The following SPATA13 variants were observed in gnomAD, a reference collection of about 807,000 sequenced individuals.
The protein encoded by SPATA13 is spermatogenesis associated 13.
Under a neutral mutation model 104.0 loss-of-function variants are expected in SPATA13, and 50 were observed. The observed-to-expected ratio is 0.48, with a 90% CI of 0.38 to 0.61. SPATA13 has a LOEUF of 0.61. SPATA13 is among the 20% of genes least tolerant of loss of function. The pLI is 0.00. For missense variants in SPATA13, 1,524 were observed against 1,690.6 expected (o/e 0.90, Z 1.73); for synonymous variants, 606 against 667.5 (o/e 0.91, Z 1.42).
chr13:24,070,752 G>A (rs769559839), intron 3 of SPATA13, among the ~76,000 whole-genome samples: 2 of 152,156 alleles, frequency 1.3e-5, no homozygotes, highest in Non-Finnish European at 2.9e-5. Context: ...ACGGAAGGCT[G>A]ACCCTCCCCC....
intron 3 of SPATA13, among the ~76,000 whole-genome samples, chr13:24,251,320 T>G (rs181367296): frequency 6.6e-6 from 1 of 152,352 alleles, no homozygotes; most frequent in East Asian, 1.9e-4. Flanking sequence ...TGGCCGGGTT[T>G]GTGGCCTTGT....
At position 24,173,179 on chromosome 13, in the gene SPATA13, G is replaced by A. The variant is rs186998531; in HGVS notation, c.-112+12247G>A. Among the ~76,000 whole-genome samples the A allele has an allele frequency of 3.0e-3, 450 of 152,298 alleles. 3 individuals are homozygous for A. The highest frequency in any genetic ancestry group is 9.8e-3 in the African/African-American group (409 of 41,572). ...TGCACCCTCCGCCTCCCGGGTTCAA[G>A]CGATTCTCCTGCCTCAGCCTCCTGA... is the stretch of plus-strand genomic sequence containing the variant. On this transcript the variant is annotated intron_variant, in intron 1 of 12. Transcript: ENST00000382108.
rs577553319 is a variant in SPATA13 at position 24,048,900 on chromosome 13, G to A, written c.-112+31199G>A. Among the ~76,000 whole-genome samples the A allele has an allele frequency of 8.6e-5, 13 of 151,672 alleles. No homozygotes were observed. The South Asian group carries it at 2.7e-3, about 32-fold the overall frequency. On this transcript the variant is annotated intron_variant, in intron 3 of 14. Coordinates refer to the SPATA13 transcript ENST00000424834. ...TTCAGATAACTTCTTTATTATAGAA[G>A]AAAATTAAAACTACAAGTTAGAATT... is the stretch of plus-strand genomic sequence containing the variant.
At chr13:24,006,925 G>A (rs1876260344) in intron 2 of SPATA13, among the ~76,000 whole-genome samples, 1 of 152,214 alleles carries the variant, frequency 6.6e-6, no homozygotes, top group Non-Finnish European at 1.5e-5. Context: ...GGATGCTGTG[G>A]CATTGCCTGG....
chr13:24,249,746 C>T lies in SPATA13; in HGVS notation c.1923C>T (p.Pro641=), dbSNP rs1186143859. ...ACCAGAATGCTCCAGTGGGCTGCCC[C>T]AAAGGAGCCCGGAGAAGGCGCCCCA... is the stretch of plus-strand genomic sequence containing the variant. ...PEDQNAPVGC[P]KGARRRRPIS... Residue 641 remains proline, a synonymous_variant, in exon 3 of 13, where the codon CCC becomes CCT. Coordinates refer to ENST00000382108, the MANE Select transcript of SPATA13 (RefSeq NM_001166271.3). 1 of 1,614,164 alleles carries T rather than the reference C, an allele frequency of 6.2e-7. No individual in the cohort carries two copies. Among genetic ancestry groups the T allele is most frequent in the Admixed American group, 1.7e-5 (1 of 60,028 alleles).
At position 23,987,302 on chromosome 13, in the gene SPATA13, C is replaced by T. The variant is rs117876184; in HGVS notation, c.-147+3369C>T. ...CTAGCTATTAGAATATGTCTATGAC[C>T]GGGAAATGAGGAGCCACACTGCTTG... On this transcript the variant is annotated intron_variant, in intron 2 of 14. Coordinates refer to the SPATA13 transcript ENST00000424834. Among the ~76,000 whole-genome samples the T allele has an allele frequency of 9.5e-3, 1,451 of 151,976 alleles. 14 individuals are homozygous for T. The highest frequency in any genetic ancestry group is 0.017 in the Middle Eastern group (5 of 294).
At chr13:24,295,668 TCA>T (rs1207477414) in intron 10 of SPATA13, among the ~76,000 whole-genome samples, 2 of 18,752 alleles carry the variant, frequency 1.1e-4, no homozygotes, top group African/African-American at 2.2e-4. Flanking sequence ...CAACAAATTC[TCA>T]CTCTCTCTCT....
At chr13:24,148,885 G>A (rs536656044) in intron 3 of SPATA13, among the ~76,000 whole-genome samples, 9 of 152,012 alleles carry the variant, frequency 5.9e-5, no homozygotes, top group Non-Finnish European at 1.0e-4. Context: ...CTGGTAGAGC[G>A]GCTTGTTTAT....
At chr13:24,080,302 A>T (rs951005673) in intron 3 of SPATA13, among the ~76,000 whole-genome samples, 1 of 152,232 alleles carries the variant, frequency 6.6e-6, no homozygotes, top group Non-Finnish European at 1.5e-5. Context: ...TCAGGACATC[A>T]CAGCAAGTGG....
intron 3 of SPATA13, among the ~76,000 whole-genome samples, chr13:24,154,585 T>G (rs1882204640): frequency 6.6e-6 from 1 of 152,218 alleles, no homozygotes; most frequent in Non-Finnish European, 1.5e-5. Flanking sequence ...AGTATTTTCA[T>G]GTTGTATTAG....
chr13:24,189,304 T>A (rs1445360329), intron 1 of SPATA13, among the ~76,000 whole-genome samples: 1 of 151,624 alleles, frequency 6.6e-6, no homozygotes, highest in Non-Finnish European at 1.5e-5. Flanking sequence ...ACCCCGTCTC[T>A]ACTAGAAATA....
At chr13:24,056,515 T>C (rs1878550041) in intron 3 of SPATA13, among the ~76,000 whole-genome samples, 1 of 152,222 alleles carries the variant, frequency 6.6e-6, no homozygotes, top group African/African-American at 2.4e-5. Flanking sequence ...AGTGTCACTG[T>C]TAATTATATG....
At chr13:24,055,978 A>T (rs980241788) in intron 3 of SPATA13, among the ~76,000 whole-genome samples, 4 of 152,224 alleles carry the variant, frequency 2.6e-5, no homozygotes, top group Admixed American at 1.3e-4. Context: ...ACATGAGGAT[A>T]TTCCATATTA....
intron 1 of SPATA13, among the ~76,000 whole-genome samples, chr13:24,206,965 A>G (rs1462837636): frequency 6.6e-6 from 1 of 152,182 alleles, no homozygotes; most frequent in Non-Finnish European, 1.5e-5. Flanking sequence ...ATATGGAACC[A>G]ACCTAAATGC....
At chr13:24,192,419 C>G (rs1338411010) in intron 1 of SPATA13, among the ~76,000 whole-genome samples, 1 of 152,070 alleles carries the variant, frequency 6.6e-6, no homozygotes, top group Non-Finnish European at 1.5e-5. Flanking sequence ...TCTAGTTCTC[C>G]TCCTGCCCCT....
At chr13:24,007,576 C>T (rs1353879946) in intron 2 of SPATA13, among the ~76,000 whole-genome samples, 1 of 152,178 alleles carries the variant, frequency 6.6e-6, no homozygotes, top group Non-Finnish European at 1.5e-5. Context: ...CATGCCTCAG[C>T]CTCCTGAATA....
At chr13:24,166,414 AT>A (rs758067486) in intron 1 of SPATA13, among the ~76,000 whole-genome samples, 1 of 152,126 alleles carries the variant, frequency 6.6e-6, no homozygotes, top group Non-Finnish European at 1.5e-5. Flanking sequence ...GGAGTGAGCA[AT>A]TAGGGAAGGA....
At chr13:24,026,489 A>G (rs1593285318) in intron 3 of SPATA13, among the ~76,000 whole-genome samples, 1 of 152,222 alleles carries the variant, frequency 6.6e-6, no homozygotes, top group East Asian at 1.9e-4. Flanking sequence ...GGTAAGATGG[A>G]ATTATTTGGC....
chr13:24,278,841 A>G, intron 4 of SPATA13: 1 of 1,578,878 alleles, frequency 6.3e-7, no homozygotes, highest in South Asian at 1.2e-5. Flanking sequence ...TCTGACCCCA[A>G]AGCCTTGCAT....
Sources: gnomAD v4.1 joint callset for allele counts (sites outside exome capture counted in the v4.1 genomes callset) on GRCh38, gnomAD v4.1.1 for gene constraint, MANE v1.5 for transcripts, NCBI Gene and HGNC (gene_info 2026-07-23, HGNC 2026-07-21) for gene names.